CELSR2: variants seen among roughly 807,000 people sequenced by gnomAD.
CELSR2 encodes cadherin EGF LAG seven-pass G-type receptor 2.
In CELSR2, 81 loss-of-function variants were observed where a neutral mutation model predicts 251.6. The observed-to-expected ratio is 0.32, with a 90% CI of 0.27 to 0.39. The LOEUF is 0.39. CELSR2 is among the 10% of genes least tolerant of loss of function. CELSR2 has a pLI of 1.00. For missense variants in CELSR2, 3,365 were observed against 3,947.7 expected (o/e 0.85, Z 3.96); for synonymous variants, 1,721 against 1,670.5 (o/e 1.03, Z -0.74).
chr1:109,262,624 A>G (rs1456375368), intron 6 of CELSR2, among the ~76,000 whole-genome samples, 180 bp downstream of exon 6: 2 of 152,018 alleles, frequency 1.3e-5, no homozygotes, highest in Non-Finnish European at 2.9e-5. Context: ...CAGTCTGGGG[A>G]GGGGGCTGAG....
In CELSR2 at chr1:109,269,398, CTG is replaced by C; in HGVS notation, c.6813-23_6813-22del. ...CCCAGTCATGTGACTGCCGTGGTGA[CTG>C]TGCACCTGACTGCCCCACATCAGAG... On this transcript the variant is annotated intron_variant, in intron 20 of 33. Coordinates refer to ENST00000271332, the MANE Select transcript of CELSR2 (RefSeq NM_001408.3). This position sits in a 1 kb window ranked among gnomAD's most constrained non-coding sequence, Gnocchi z 6.4. The C allele has an allele frequency of 6.2e-7, 1 of 1,611,928 alleles. No homozygotes were observed. The highest frequency in any genetic ancestry group is 8.5e-7 in the Non-Finnish European group (1 of 1,178,784).
Position 109,268,907 on chromosome 1 carries a change from G to A in CELSR2, c.6530G>A (p.Gly2177Glu), listed in dbSNP as rs1656283672. ...ATCTCCGTAGTGCGCTTGGACAAAG[G>A]GAACTTTGCTGGGGCCAAGCTGCCC... Reference protein sequence around the residue: ...IVISVVRLDKGNFAGAKLPRY... With the variant: ...IVISVVRLDKENFAGAKLPRY... Residue 2177 changes from glycine (G) to glutamate (E), a missense_variant, in exon 19 of 34, where the codon GGG becomes GAG. Transcript: ENST00000271332. The A allele has an allele frequency of 6.2e-7, 1 of 1,612,280 alleles. No homozygotes were observed.
In CELSR2 at chr1:109,258,684, G is replaced by A; in HGVS notation, c.3563G>A (p.Gly1188Asp). 1 of 1,547,666 alleles carries A rather than the reference G, an allele frequency of 6.5e-7. No individual in the cohort carries two copies. The change falls in exon 2 of 34, where the codon GGC (glycine) becomes GAC (aspartate). Residue 1188 changes from glycine (G) to aspartate (D), a missense_variant. Coordinates refer to ENST00000271332, the MANE Select transcript of CELSR2 (RefSeq NM_001408.3). The stretch of plus-strand genomic sequence containing the variant: ...ATCCTCAACGTGAGCCTGTCGGTGG[G>A]CCAGCCGCCAGGGCCCGGGGGCGGG... The part of the protein sequence containing the change: ...GHILNVSLSV[G>D]QPPGPGGGPP...
At position 109,251,171 on chromosome 1, in the gene CELSR2, G is replaced by A; in HGVS notation, c.1092G>A (p.Gln364=). 6.2e-7 allele frequency: 1 copy of A among 1,613,486 alleles called. No individual in the cohort carries two copies. The highest frequency in any genetic ancestry group is 1.3e-5 in the African/African-American group (1 of 75,042). ...PVDREEVESY[Q]LTVEASDQGR... is the part of the protein sequence containing the mutation. ...ATCGGGAAGAGGTGGAATCCTACCA[G>A]CTGACGGTAGAGGCAAGTGACCAGG... The change falls in exon 1 of 34, where the codon CAG becomes CAA. Residue 364 remains glutamine (Q), a synonymous_variant. Coordinates refer to ENST00000271332, the MANE Select transcript of CELSR2 (RefSeq NM_001408.3). The surrounding 1 kb of genome is among the most constrained non-coding windows in gnomAD (Gnocchi z 4.9).
At position 109,251,989 on chromosome 1, in the gene CELSR2, G is replaced by T. The variant is rs573639041; in HGVS notation, c.1910G>T (p.Arg637Leu). Residue 637 changes from arginine to leucine, a missense_variant, in exon 1 of 34, where the codon CGT becomes CTT. Physicochemically the swap from Arg to Leu is moderately radical, Grantham distance 102 (BLOSUM62 -2). This residue lies in a region of CELSR2 where 60 missense variants were observed against 104.8 expected (regional missense o/e 0.57). Transcript: ENST00000271332. The surrounding 1 kb of genome is among the most constrained non-coding windows in gnomAD (Gnocchi z 4.9). ...TSVVTVSAVD[R>L]DAHSVITYQI... ...GTGGTGACGGTGTCAGCTGTGGACC[G>T]TGATGCTCATAGTGTCATCACCTAC... The T allele has an allele frequency of 6.2e-7, 1 of 1,614,094 alleles. No individual in the cohort carries two copies. Among genetic ancestry groups the T allele is most frequent in the Admixed American group, 1.7e-5 (1 of 60,026 alleles).
chr1:109,256,566 A>C (rs558129208), intron 1 of CELSR2, among the ~76,000 whole-genome samples: 1 of 152,328 alleles, frequency 6.6e-6, no homozygotes, highest in Admixed American at 6.5e-5. Flanking sequence ...CCCACCCCAG[A>C]AACATGGGCT....
In CELSR2 at chr1:109,251,673, G is replaced by A. The variant is rs765059370; in HGVS notation, c.1594G>A (p.Ala532Thr). The change falls in exon 1 of 34, where the codon GCT becomes ACT. Residue 532 changes from alanine (A) to threonine (T), a missense_variant. Ala to Thr is a moderately conservative substitution (Grantham distance 58). This residue lies in a region of CELSR2 where 704 missense variants were observed against 784.1 expected (regional missense o/e 0.90). Coordinates refer to ENST00000271332, the MANE Select transcript of CELSR2 (RefSeq NM_001408.3). The surrounding 1 kb of genome is among the most constrained non-coding windows in gnomAD (Gnocchi z 4.9). ...GGTTCTCCATGTCCAGGCTATCGACGCTGATGCTGGTGACAATGCCCGCCT... is the reference window on the plus strand; with the variant it reads ...GGTTCTCCATGTCCAGGCTATCGACACTGATGCTGGTGACAATGCCCGCCT... ...YLVLHVQAID[A>T]DAGDNARLEY... 18 of 1,613,944 alleles carry A rather than the reference G, an allele frequency of 1.1e-5. No homozygotes were observed. Among genetic ancestry groups the A allele is most frequent in the Middle Eastern group, 1.6e-4 (1 of 6,084 alleles).
chr1:109,260,710 G>A (rs531882606), intron 2 of CELSR2, among the ~76,000 whole-genome samples: 2 of 152,222 alleles, frequency 1.3e-5, no homozygotes, highest in African/African-American at 2.4e-5. Context: ...CCCGGGATCC[G>A]GGCCTTACAA....
At position 109,271,750 on chromosome 1, in the gene CELSR2, C is replaced by T. The variant is rs552528839; in HGVS notation, c.7926+28C>T. ...GAGGGAGCCAGGGGTCTCAGGAGGG[C>T]GGTGAAGGGAGGGAGAGGCAGGAGG... On this transcript the variant is annotated intron_variant, in intron 28 of 33. Transcript: ENST00000271332. 23 of 1,610,578 alleles carry T rather than the reference C, an allele frequency of 1.4e-5. 1 individual carries two copies. The highest frequency in any genetic ancestry group is 8.8e-5 in the South Asian group (8 of 90,832).
intron 1 of CELSR2, among the ~76,000 whole-genome samples, chr1:109,255,779 T>C (rs977075789): frequency 1.1e-4 from 17 of 152,260 alleles, no homozygotes; most frequent in African/African-American, 3.6e-4. Flanking sequence ...AGGGGTGACC[T>C]AGGTCAAGGC....
chr1:109,265,822 G>A lies in CELSR2; in HGVS notation c.5815G>A (p.Glu1939Lys), dbSNP rs184928378. 229 of 1,614,134 alleles carry A rather than the reference G, an allele frequency of 1.4e-4. 1 individual carries two copies. The East Asian group carries it at 4.6e-3, about 33-fold the overall frequency. ...TGSLSRVCDP[E>K]DGQCPCKPGV... The stretch of plus-strand genomic sequence containing the variant: ...CTCCTTGTCCAGAGTCTGTGACCCT[G>A]AGGATGGCCAGTGTCCATGCAAGCC... Residue 1939 changes from glutamate to lysine, a missense_variant, in exon 14 of 34, where the codon GAG becomes AAG. Around this residue, in one of 5 missense-constraint regions of CELSR2, gnomAD observed 2,093 missense variants for 2,382.8 expected, o/e 0.88. Coordinates refer to ENST00000271332, the MANE Select transcript of CELSR2 (RefSeq NM_001408.3).
rs74763583 is a variant in CELSR2, at chr1:109,264,564, C to A, written c.5400C>A (p.Asn1800Lys). Residue 1800 changes from asparagine to lysine, a missense_variant, in exon 11 of 34, where the codon AAC (asparagine) becomes AAA (lysine). Asn to Lys is a moderately conservative substitution (Grantham distance 94, BLOSUM62 0). Coordinates refer to ENST00000271332, the MANE Select transcript of CELSR2 (RefSeq NM_001408.3). ...GCSLPDPCDSNPCPANSYCSN... is the reference protein window; with the variant it reads ...GCSLPDPCDSKPCPANSYCSN... ...GCCTGCCTGACCCTTGTGACTCAAA[C>A]CCGTGTCCTGCTAACAGCTATTGCA... 6.2e-7 allele frequency: 1 copy of A among 1,614,192 alleles called. No homozygotes were observed. The highest frequency in any genetic ancestry group is 1.7e-5 in the Admixed American group (1 of 60,032).
chr1:109,252,302 A>T lies in CELSR2; in HGVS notation c.2223A>T (p.Thr741=), dbSNP rs747278814. The part of the protein sequence containing the change: ...VVLISATDED[T]GENARITYFM... Reference sequence around the variant, plus strand: ...TGATCAGCGCCACGGATGAGGACACAGGTGAGAATGCCCGCATCACCTACT... The same window carrying T: ...TGATCAGCGCCACGGATGAGGACACTGGTGAGAATGCCCGCATCACCTACT... Residue 741 remains threonine, a synonymous_variant, in exon 1 of 34, where the codon ACA becomes ACT. Transcript: ENST00000271332. This position sits in a 1 kb window ranked among gnomAD's most constrained non-coding sequence, Gnocchi z 4.8. 6.2e-7 allele frequency: 1 copy of T among 1,613,220 alleles called. No homozygotes were observed. Among genetic ancestry groups the T allele is most frequent in the Non-Finnish European group, 8.5e-7 (1 of 1,180,024 alleles).
rs555639722 is a variant in CELSR2, at chr1:109,261,370, G to C, written c.4181+106G>C. On this transcript the variant is annotated intron_variant, in intron 3 of 33. Coordinates refer to ENST00000271332, the MANE Select transcript of CELSR2 (RefSeq NM_001408.3). This position sits in a 1 kb window ranked among gnomAD's most constrained non-coding sequence, Gnocchi z 4.8. ...GTCAGGCAGTGAAAGCGTGGAGCAG[G>C]CTGCCGGCAGAGCCAGGTCTGCTCT... 4 of 1,370,678 alleles carry C rather than the reference G, an allele frequency of 2.9e-6. No individual in the cohort carries two copies. The East Asian group carries it at 6.9e-5, about 24-fold the overall frequency. 84.9% of individuals were successfully genotyped at this position (1,370,678 alleles called of 1,614,324 possible).
rs1457264821 is a variant in CELSR2 at position 109,273,154 on chromosome 1, T to C, written c.8339-12T>C. The C allele has an allele frequency of 6.2e-7, 1 of 1,610,298 alleles. No individual in the cohort carries two copies. The highest frequency in any genetic ancestry group is 1.7e-5 in the Admixed American group (1 of 59,244). ...CCCTCTGTGGGCCTCATCTACTTCCTTTCCCCACCAGATGGGGGCCCAGGG... is the reference window on the plus strand; with the variant it reads ...CCCTCTGTGGGCCTCATCTACTTCCCTTCCCCACCAGATGGGGGCCCAGGG... On this transcript the variant is annotated splice_polypyrimidine_tract_variant and intron_variant, in intron 31 of 33. Coordinates refer to ENST00000271332, the MANE Select transcript of CELSR2 (RefSeq NM_001408.3).
rs1015259016 is a variant in CELSR2, at chr1:109,271,717, A to G, written c.7921A>G (p.Thr2641Ala). ...DPALTTKSTLTSSYNCPSPYA... is the reference protein window; with the variant it reads ...DPALTTKSTLASSYNCPSPYA... The stretch of plus-strand genomic sequence containing the variant: ...TGCTCTGACCACCAAGTCCACCCTG[A>G]CCTCGGTGAGGGAGCCAGGGGTCTC... Residue 2641 changes from threonine (T) to alanine (A), a missense_variant, in exon 28 of 34, where the codon ACC (threonine) becomes GCC (alanine). This residue lies in a region of CELSR2 where 2,093 missense variants were observed against 2,382.8 expected (regional missense o/e 0.88). Coordinates refer to ENST00000271332, the MANE Select transcript of CELSR2 (RefSeq NM_001408.3). 1.9e-6 allele frequency: 3 copies of G among 1,613,542 alleles called. No homozygotes were observed. The African/African-American group carries it at 4.0e-5, about 22-fold the overall frequency.
At position 109,250,714 on chromosome 1, in the gene CELSR2, A is replaced by T. The variant is rs1313054946; in HGVS notation, c.635A>T (p.Glu212Val). The change falls in exon 1 of 34, where the codon GAG becomes GTG. Residue 212 changes from glutamate to valine, a missense_variant. Coordinates refer to ENST00000271332, the MANE Select transcript of CELSR2 (RefSeq NM_001408.3). The surrounding 1 kb of genome is among the most constrained non-coding windows in gnomAD (Gnocchi z 4.4). ...SLRAIDPDEG[E>V]AGRLEYTMDA... is the part of the protein sequence containing the mutation. The stretch of plus-strand genomic sequence containing the variant: ...AGGGCCATCGACCCGGACGAGGGTG[A>T]GGCAGGTCGACTGGAGTACACCATG... 1 of 1,614,094 alleles carries T rather than the reference A, an allele frequency of 6.2e-7. No individual in the cohort carries two copies. Among genetic ancestry groups the T allele is most frequent in the Admixed American group, 1.7e-5 (1 of 60,028 alleles).
chr1:109,268,042 G>A lies in CELSR2; in HGVS notation c.6300G>A (p.Gln2100=), dbSNP rs750713632. Reference sequence around the variant, plus strand: ...GGGGCTTTGGGCTGTCTGCCACACAGGACGTGCACTTCACTGAGGTGGGGC... The same window carrying A: ...GGGGCTTTGGGCTGTCTGCCACACAAGACGTGCACTTCACTGAGGTGGGGC... The part of the protein sequence containing the change: ...TQRGFGLSAT[Q]DVHFTENLLR... The change falls in exon 17 of 34, where the codon CAG becomes CAA. Residue 2100 remains glutamine, a synonymous_variant. Transcript: ENST00000271332. The A allele has an allele frequency of 2.5e-6, 4 of 1,600,124 alleles. No homozygotes were observed. In the South Asian group the frequency reaches 3.3e-5, roughly 13 times the overall value.
Position 109,259,039 on chromosome 1 carries a change from C to T in CELSR2, c.3918C>T (p.Arg1306=), listed in dbSNP as rs753949408. The change falls in exon 2 of 34, where the codon CGC becomes CGT. Residue 1306 remains arginine, a synonymous_variant. Transcript: ENST00000271332. ...GCCCCCACGGGCGCTGCCGCAGCCG[C>T]GAGGGCGGCTACACCTGCCTCTGTC... is the stretch of plus-strand genomic sequence containing the variant. ...PCGPHGRCRS[R]EGGYTCLCRD... The T allele has an allele frequency of 3.1e-6, 5 of 1,594,534 alleles. No individual in the cohort carries two copies. Among genetic ancestry groups the T allele is most frequent in the Non-Finnish European group, 4.3e-6 (5 of 1,175,536 alleles).
Sources: allele counts gnomAD v4.1 joint callset (sites outside exome capture counted in the v4.1 genomes callset), GRCh38; gene constraint gnomAD v4.1.1; regional missense constraint gnomAD v4.1.1; non-coding constraint Gnocchi (gnomAD v3.1); transcripts MANE v1.5; gene names NCBI Gene and HGNC (gene_info 2026-07-23, HGNC 2026-07-21).